Variants in COL24A1 observed in about 807,000 individuals in gnomAD.
The protein encoded by COL24A1 is collagen alpha-1(XXIV) chain.
In COL24A1, 224 loss-of-function variants were observed where a neutral mutation model predicts 253.9. The observed-to-expected ratio is 0.88, with a 90% CI of 0.79 to 0.99. The LOEUF is 0.99. COL24A1 is among the 50% of genes least tolerant of loss of function. The pLI is 0.00. For missense variants in COL24A1, 2,131 were observed against 2,068.5 expected, an observed-to-expected ratio of 1.03 and a Z score of -0.59; for synonymous variants, 685 against 673.7, an observed-to-expected ratio of 1.02 and a Z score of -0.26.
chr1:85,892,049 T>A (rs1683190987), intron 31 of COL24A1, among the ~76,000 whole-genome samples: 2 of 152,146 alleles, frequency 1.3e-5, no homozygotes, highest in Non-Finnish European at 2.9e-5. Flanking sequence ...ATAATAAATA[T>A]CATTTGTTAT....
chr1:86,057,963 G>C lies in COL24A1; in HGVS notation c.1819C>G (p.Pro607Ala), dbSNP rs550351934. The C allele has an allele frequency of 1.2e-4, 188 of 1,612,928 alleles. 1 individual carries two copies. The Middle Eastern group carries it at 1.8e-3, about 16-fold the overall frequency. ...CCTTTAGGACCTGGATTACCTTCTG[G>C]TCCAGCTAAACCCTGGTGTAAACAA... The part of the protein sequence containing the change: ...GYPGRQGLAG[P>A]EGNPGPKGAQ... Residue 607 changes from proline to alanine, a missense_variant, in exon 10 of 60, where the codon CCA becomes GCA. Pro to Ala is a conservative substitution (Grantham distance 27). Transcript: ENST00000370571.
intron 45 of COL24A1, among the ~76,000 whole-genome samples, chr1:85,818,811 AT>A (rs1240162286): frequency 2.0e-5 from 3 of 152,230 alleles, no homozygotes; most frequent in Non-Finnish European, 4.4e-5. Flanking sequence ...TCATGTTGTC[AT>A]TACCAGACAC....
At chr1:85,841,387 T>C in intron 41 of COL24A1, 109 bp from the exon 42 acceptor site, 1 of 712,382 alleles carries the variant, frequency 1.4e-6, no homozygotes, top group South Asian at 2.2e-5. Flanking sequence ...TGATGTTATC[T>C]TTTTTTAAGT....
intron 19 of COL24A1, among the ~76,000 whole-genome samples, chr1:86,002,248 A>C (rs1695494408): frequency 6.6e-6 from 1 of 152,154 alleles, no homozygotes; most frequent in Admixed American, 6.5e-5. Context: ...AAAAACCTAA[A>C]AGATTTAGGG....
intron 53 of COL24A1, among the ~76,000 whole-genome samples, chr1:85,772,288 AT>A (rs1668065817): frequency 6.6e-6 from 1 of 151,798 alleles, no homozygotes; most frequent in Non-Finnish European, 1.5e-5. Context: ...AATGGCAATC[AT>A]TAAAAAGTCA....
intron 37 of COL24A1, among the ~76,000 whole-genome samples, chr1:85,861,944 G>T (rs756409692): frequency 6.6e-6 from 1 of 152,030 alleles, no homozygotes; most frequent in Non-Finnish European, 1.5e-5. Flanking sequence ...GGCCATTGCT[G>T]CTTCATCTAT....
At chr1:85,744,104 C>T (rs888824423) in intron 57 of COL24A1, among the ~76,000 whole-genome samples, 6 of 151,974 alleles carry the variant, frequency 3.9e-5, no homozygotes, top group Admixed American at 6.6e-5. Flanking sequence ...TGATGACTTA[C>T]TCCTCTTGAT....
chr1:85,754,601 A>T (rs183253160), intron 55 of COL24A1, among the ~76,000 whole-genome samples: 1 of 151,534 alleles, frequency 6.6e-6, no homozygotes, highest in Non-Finnish European at 1.5e-5. Flanking sequence ...TGTCTTACTA[A>T]GTAGAGAATA....
At position 85,792,189 on chromosome 1, in the gene COL24A1, G is replaced by T. The variant is rs569199951; in HGVS notation, c.3952-5728C>A. Among the ~76,000 whole-genome samples, 331 of 151,924 alleles carry T rather than the reference G, an allele frequency of 2.2e-3. 4 individuals carry two copies. The highest frequency in any genetic ancestry group is 7.7e-3 in the African/African-American group (318 of 41,442). On this transcript the variant is annotated intron_variant, in intron 47 of 59. Transcript: ENST00000370571. The stretch of plus-strand genomic sequence containing the variant: ...ATATGTTTTCATATTTACAGAAAAA[G>T]TTTGTTGACTTCTCTTCTAGGAATA...
intron 10 of COL24A1, among the ~76,000 whole-genome samples, chr1:86,050,490 G>A (rs538140702): frequency 6.6e-6 from 1 of 152,056 alleles, no homozygotes. Context: ...CAGAATGGAG[G>A]TATCAAAAGA....
rs1201427852 is a variant in COL24A1 at position 86,125,684 on chromosome 1, T to G, written c.652A>C (p.Ile218Leu). ...GGAATAATATCTAACTGACATACTATTCCTTCAAAATGGATAGAATTATTA... is the reference window on the plus strand; with the variant it reads ...GGAATAATATCTAACTGACATACTAGTCCTTCAAAATGGATAGAATTATTA... Reference protein sequence around the residue: ...MNNNSIHFEGIVCQLDIIPSA... With the variant: ...MNNNSIHFEGLVCQLDIIPSA... Residue 218 changes from isoleucine to leucine, a missense_variant, in exon 3 of 60, where the codon ATA (isoleucine) becomes CTA (leucine). Transcript: ENST00000370571. 2 of 1,611,378 alleles carry G rather than the reference T, an allele frequency of 1.2e-6. No individual in the cohort carries two copies. The highest frequency in any genetic ancestry group is 2.2e-5 in the South Asian group (2 of 90,942).
chr1:85,867,366 A>G (rs776973428), intron 37 of COL24A1, among the ~76,000 whole-genome samples: 1 of 152,228 alleles, frequency 6.6e-6, no homozygotes, highest in Non-Finnish European at 1.5e-5. Flanking sequence ...GCACAGAAGC[A>G]CTGTGGTTTA....
At chr1:85,814,600 TA>T (rs1318254696) in intron 47 of COL24A1, among the ~76,000 whole-genome samples, 1 of 152,238 alleles carries the variant, frequency 6.6e-6, no homozygotes, top group Non-Finnish European at 1.5e-5. Flanking sequence ...ACAAAATGTG[TA>T]AGCAGGCAAT....
At chr1:85,761,717 GT>G (rs1313235203) in intron 53 of COL24A1, 151 bp from the exon 54 acceptor site, 1 of 680,122 alleles carries the variant, frequency 1.5e-6, no homozygotes, top group African/African-American at 1.8e-5. Flanking sequence ...GTTATATGCT[GT>G]GGTACTTAGC....
chr1:85,747,089 T>C (rs1570437415), intron 55 of COL24A1, among the ~76,000 whole-genome samples: 1 of 149,636 alleles, frequency 6.7e-6, no homozygotes, highest in Non-Finnish European at 1.5e-5. Context: ...TTTTTGTTTA[T>C]GTGAATTATA....
At chr1:85,934,057 C>T (rs2103115383) in intron 24 of COL24A1, among the ~76,000 whole-genome samples, 1 of 152,244 alleles carries the variant, frequency 6.6e-6, no homozygotes, top group South Asian at 2.1e-4. Flanking sequence ...CTGCAGTCAT[C>T]TGAAGGCCTG....
chr1:86,049,295 A>G (rs1700138057), intron 11 of COL24A1, among the ~76,000 whole-genome samples: 1 of 152,212 alleles, frequency 6.6e-6, no homozygotes, highest in South Asian at 2.1e-4. Flanking sequence ...ACAAGTAATT[A>G]CAAGAAAATA....
chr1:85,952,332 A>T (rs1488198610), intron 24 of COL24A1, among the ~76,000 whole-genome samples: 1 of 152,242 alleles, frequency 6.6e-6, no homozygotes, highest in Admixed American at 6.5e-5. Flanking sequence ...TGTTAAGGAA[A>T]AAAAATGATA....
At chr1:85,903,530 A>T (rs1031614103) in intron 28 of COL24A1, among the ~76,000 whole-genome samples, 27 of 152,188 alleles carry the variant, frequency 1.8e-4, no homozygotes, top group Non-Finnish European at 3.5e-4. Flanking sequence ...ATAACCGTTT[A>T]AAAATATCTC....
Sources: gnomAD v4.1 joint callset for allele counts (sites outside exome capture counted in the v4.1 genomes callset) on GRCh38, gnomAD v4.1.1 for gene constraint, MANE v1.5 for transcripts, NCBI Gene and HGNC (gene_info 2026-07-23, HGNC 2026-07-21) for gene names.